Variants in TOX3 observed in about 807,000 individuals in gnomAD.
The protein encoded by TOX3 is TOX high mobility group box family member 3.
TOX3 carries 22 observed loss-of-function variants against 64.3 expected under a neutral mutation model. The observed-to-expected ratio is 0.34, with a 90% CI of 0.24 to 0.49. The LOEUF is 0.49. TOX3 is among the 20% of genes least tolerant of loss of function. The pLI is 0.99. For missense variants in TOX3, 661 were observed against 714.4 expected, an observed-to-expected ratio of 0.93 and a Z score of 0.85; for synonymous variants, 291 against 273.6, an observed-to-expected ratio of 1.06 and a Z score of -0.63.
chr16:52,452,308 ATTCC>A (rs1960374902), intron 3 of TOX3, among the ~76,000 whole-genome samples: 1 of 152,186 alleles, frequency 6.6e-6, no homozygotes, highest in African/African-American at 2.4e-5. Context: ...ACATTGTTCA[ATTCC>A]CACCTATGAG....
chr16:52,525,523 T>C (rs1427805076), intron 1 of TOX3, among the ~76,000 whole-genome samples: 1 of 152,196 alleles, frequency 6.6e-6, no homozygotes, highest in Non-Finnish European at 1.5e-5. Context: ...CAAGGATTTA[T>C]CACTGCAACC....
chr16:52,543,099 A>C (rs1202732494), intron 1 of TOX3, among the ~76,000 whole-genome samples: 1 of 152,218 alleles, frequency 6.6e-6, no homozygotes, highest in East Asian at 1.9e-4. Flanking sequence ...ATAGCTAGTA[A>C]CTGGAGTTTA....
At chr16:52,539,712 C>G (rs1963034137) in intron 1 of TOX3, among the ~76,000 whole-genome samples, 1 of 152,174 alleles carries the variant, frequency 6.6e-6, no homozygotes, top group Non-Finnish European at 1.5e-5. Context: ...GTGCATGACT[C>G]TGTGAGAATA....
intron 6 of TOX3, 63 bp downstream of exon 6, chr16:52,444,213 G>A (rs1023340649): frequency 2.3e-4 from 294 of 1,290,882 alleles, no homozygotes; most frequent in Middle Eastern, 9.7e-4. Context: ...TGTTTTCAAT[G>A]CTTGAGGGCT....
At chr16:52,470,436 G>A (rs1029541149) in intron 1 of TOX3, among the ~76,000 whole-genome samples, 3 of 152,058 alleles carry the variant, frequency 2.0e-5, no homozygotes, top group Admixed American at 6.6e-5. Flanking sequence ...TTATCACAGA[G>A]TATTTTTTTT....
chr16:52,468,554 A>G lies in TOX3; in HGVS notation c.108T>C (p.Tyr36=), dbSNP rs1457572672. 1 of 1,612,526 alleles carries G rather than the reference A, an allele frequency of 6.2e-7. No homozygotes were observed. The highest frequency in any genetic ancestry group is 2.2e-5 in the East Asian group (1 of 44,806). The stretch of plus-strand genomic sequence containing the variant: ...CATTGTTCGCCTCAGCCATATTCAT[A>G]TAGTTATTATTATTTCCAAACTGAA... ...GYSKFGNNNN[Y]MNMAEANNAF... The change falls in exon 2 of 7, where the codon TAT becomes TAC. Residue 36 remains tyrosine, a synonymous_variant. Transcript: ENST00000219746.
intron 1 of TOX3, among the ~76,000 whole-genome samples, chr16:52,529,726 G>A (rs1002170684): frequency 6.6e-6 from 1 of 152,172 alleles, no homozygotes; most frequent in Non-Finnish European, 1.5e-5. Context: ...AAGATACAGC[G>A]AAGTGGATTT....
intron 3 of TOX3, among the ~76,000 whole-genome samples, chr16:52,457,033 T>C (rs1213595386): frequency 2.5e-4 from 38 of 152,238 alleles, no homozygotes; most frequent in Non-Finnish European, 2.9e-5. Flanking sequence ...TGAAGATATG[T>C]CTTAGGGTAG....
At chr16:52,525,050 T>C (rs1339162394) in intron 1 of TOX3, among the ~76,000 whole-genome samples, 3 of 152,146 alleles carry the variant, frequency 2.0e-5, no homozygotes, top group African/African-American at 7.2e-5. Flanking sequence ...AAAGAGAATA[T>C]TGTTTTGTTG....
At chr16:52,451,363 T>C (rs1237871403) in intron 3 of TOX3, among the ~76,000 whole-genome samples, 1 of 152,238 alleles carries the variant, frequency 6.6e-6, no homozygotes, top group Non-Finnish European at 1.5e-5. Context: ...TAGCTTTTTC[T>C]GAAACTTATT....
intron 1 of TOX3, among the ~76,000 whole-genome samples, chr16:52,545,374 GAC>G (rs1252127342): frequency 2.0e-5 from 3 of 152,192 alleles, no homozygotes; most frequent in Non-Finnish European, 4.4e-5. Context: ...GAGCAAGAGA[GAC>G]CCTAATGGTC....
chr16:52,521,847 G>A (rs908730852), intron 1 of TOX3, among the ~76,000 whole-genome samples: 2 of 152,198 alleles, frequency 1.3e-5, no homozygotes, highest in African/African-American at 2.4e-5. Flanking sequence ...CTAACAAGGC[G>A]TTCAGGTGAC....
Position 52,439,833 on chromosome 16 carries a change from G to A in TOX3, c.1123C>T (p.Leu375Phe). The A allele has an allele frequency of 1.2e-6, 2 of 1,613,920 alleles. No homozygotes were observed. The highest frequency in any genetic ancestry group is 1.7e-6 in the Non-Finnish European group (2 of 1,179,868). The change falls in exon 7 of 7, where the codon CTC becomes TTC. Residue 375 changes from leucine (L) to phenylalanine (F), a missense_variant. Leu to Phe is a conservative substitution (Grantham distance 22). Transcript: ENST00000219746. ...ATTGACCTAGGGAGGGATTGCTGGA[G>A]AGTCTGAGGTGATGCTGACACTGTT... is the stretch of plus-strand genomic sequence containing the variant. ...HGTVSASPQTLQQSLPRSIAP... is the reference protein window; with the variant it reads ...HGTVSASPQTFQQSLPRSIAP...
chr16:52,468,855 TG>T, intron 1 of TOX3, among the ~76,000 whole-genome samples: 1 of 152,360 alleles, frequency 6.6e-6, no homozygotes, highest in East Asian at 1.9e-4. Flanking sequence ...CACCAGTGTG[TG>T]TTGCTTATTG....
At chr16:52,471,569 C>A (rs1961046236) in intron 1 of TOX3, among the ~76,000 whole-genome samples, 1 of 152,188 alleles carries the variant, frequency 6.6e-6, no homozygotes, top group Non-Finnish European at 1.5e-5. Context: ...TGTTCACTGA[C>A]ATCTCTCCCA....
intron 1 of TOX3, among the ~76,000 whole-genome samples, chr16:52,532,854 C>T (rs898650529): frequency 6.6e-6 from 1 of 151,964 alleles, no homozygotes; most frequent in Admixed American, 6.6e-5. Context: ...GGGCAGGGGA[C>T]ACAGAGGATA....
intron 1 of TOX3, among the ~76,000 whole-genome samples, chr16:52,528,608 T>C (rs1018877747): frequency 6.6e-6 from 1 of 152,150 alleles, no homozygotes; most frequent in African/African-American, 2.4e-5. Flanking sequence ...GCTTCATATG[T>C]GGAGTCATTG....
chr16:52,485,246 G>GTGTATATATA (rs1555484130), intron 1 of TOX3, among the ~76,000 whole-genome samples: 49 of 127,860 alleles, frequency 3.8e-4, no homozygotes, highest in African/African-American at 1.5e-3. Flanking sequence ...ATGTGTGTGT[G>GTGTATATATA]TATATATATA....
intron 1 of TOX3, among the ~76,000 whole-genome samples, chr16:52,488,598 A>C (rs1242115286): frequency 6.6e-6 from 1 of 152,232 alleles, no homozygotes; most frequent in Non-Finnish European, 1.5e-5. Flanking sequence ...AGTATAGAGA[A>C]GGAAAACAAA....
Sources: gnomAD v4.1 joint callset for allele counts (sites outside exome capture counted in the v4.1 genomes callset) on GRCh38, gnomAD v4.1.1 for gene constraint, MANE v1.5 for transcripts, NCBI Gene and HGNC (gene_info 2026-07-23, HGNC 2026-07-21) for gene names.